The following ZBP1 variants were observed in gnomAD, a reference collection of about 807,000 sequenced individuals.
ZBP1 encodes Z-DNA binding protein 1.
Under a neutral mutation model 41.1 loss-of-function variants are expected in ZBP1, and 42 were observed. The observed-to-expected ratio is 1.02, with a 90% CI of 0.80 to 1.32. The LOEUF (loss-of-function observed/expected upper bound fraction) is 1.32, where lower values mean the gene tolerates loss of function less well. Ranked by LOEUF, ZBP1 falls within the 40% of genes most tolerant of loss-of-function variation. The pLI, the probability that ZBP1 is intolerant of heterozygous loss-of-function variation, is 0.00. For synonymous variants in ZBP1, 214 were observed against 205.2 expected (o/e 1.04, Z -0.37); for missense variants, 562 against 549.7 (o/e 1.02, Z -0.22).
At chr20:57,615,371 T>C in intron 3 of ZBP1, 141 bp downstream of exon 3, 1 of 914,988 alleles carries the variant, frequency 1.1e-6, no homozygotes, top group Non-Finnish European at 1.7e-6. Context: ...GTCTTGGCTC[T>C]GAACACTGTA....
At position 57,615,079 on chromosome 20, in the gene ZBP1, A is replaced by G. The variant is rs1240076826; in HGVS notation, c.329-19T>C. ...TCTTCCTCTGGGAGGCAGGATGGCC[A>G]GGTGGTTAGGGAGTAGTCCTAGGGT... On this transcript the variant is annotated intron_variant, in intron 3 of 7. Transcript: ENST00000371173. 6.2e-7 allele frequency: 1 copy of G among 1,613,744 alleles called. No homozygotes were observed. Among genetic ancestry groups the G allele is most frequent in the Non-Finnish European group, 8.5e-7 (1 of 1,179,820 alleles).
chr20:57,608,753 G>C (rs2070562795), intron 7 of ZBP1, among the ~76,000 whole-genome samples: 1 of 149,500 alleles, frequency 6.7e-6, no homozygotes, highest in African/African-American at 2.4e-5. Flanking sequence ...GTGGGGCCAG[G>C]GTCTCCTCAG....
At chr20:57,605,845 A>C (rs1419597740) in intron 7 of ZBP1, among the ~76,000 whole-genome samples, 1 of 152,168 alleles carries the variant, frequency 6.6e-6, no homozygotes, top group Admixed American at 6.5e-5. Context: ...GAAGCAAAAG[A>C]ATCCCTTGAA....
chr20:57,609,443 C>T (rs903191558), intron 7 of ZBP1, among the ~76,000 whole-genome samples: 5 of 152,228 alleles, frequency 3.3e-5, no homozygotes, highest in Non-Finnish European at 4.4e-5. Flanking sequence ...ACTTCCCAGA[C>T]CCCCCGTGGC....
intron 7 of ZBP1, among the ~76,000 whole-genome samples, chr20:57,609,348 G>A (rs1271587641): frequency 6.6e-6 from 1 of 152,154 alleles, no homozygotes; most frequent in Admixed American, 6.5e-5. Context: ...AACCGCACTG[G>A]TTTCCCCTCT....
At position 57,616,864 on chromosome 20, in the gene ZBP1, C is replaced by G. The variant is rs1041261458; in HGVS notation, c.35-396G>C. 2.4e-5 allele frequency: 6 copies of G among 246,724 alleles called. No homozygotes were observed. In the East Asian group the frequency reaches 6.2e-4, roughly 26 times the overall value. The allele number at this position is 246,724 out of a possible 1,614,324, so 15.3% of individuals were successfully genotyped here. ...CTGGGAGCGCAAAGGCAAGTCCTGCCTGGGACGCCTGCCTGGGTTTACCTG... is the reference window on the plus strand; with the variant it reads ...CTGGGAGCGCAAAGGCAAGTCCTGCGTGGGACGCCTGCCTGGGTTTACCTG... On this transcript the variant is annotated intron_variant, in intron 1 of 7. Transcript: ENST00000371173.
chr20:57,616,555 G>T, intron 1 of ZBP1, 87 bp from the exon 2 acceptor site: 2 of 1,430,484 alleles, frequency 1.4e-6, no homozygotes, highest in East Asian at 2.3e-5. Flanking sequence ...CAGGAGGCAC[G>T]TAGGCCCCTT....
intron 7 of ZBP1, among the ~76,000 whole-genome samples, chr20:57,605,067 A>G (rs551102956): frequency 6.6e-6 from 1 of 152,254 alleles, no homozygotes; most frequent in Admixed American, 6.5e-5. Flanking sequence ...ACGGCTCTAC[A>G]TGCTCTGGCA....
Position 57,610,580 on chromosome 20 carries a change from T to C in ZBP1, c.875-213A>G, listed in dbSNP as rs1397388566. On this transcript the variant is annotated intron_variant, in intron 6 of 7. Transcript: ENST00000371173. The surrounding 1 kb of genome is among the most constrained non-coding windows in gnomAD (Gnocchi z 5.5). Reference sequence around the variant, plus strand: ...TCTGGGAAGCGTCTTTCTGCTCCACTGATCCCGCAGTGGGTCTGCCCCACT... The same window carrying C: ...TCTGGGAAGCGTCTTTCTGCTCCACCGATCCCGCAGTGGGTCTGCCCCACT... 3.3e-6 allele frequency: 2 copies of C among 601,114 alleles called. No individual in the cohort carries two copies. The highest frequency in any genetic ancestry group is 5.6e-5 in the East Asian group (2 of 35,814). 37.2% of individuals were successfully genotyped at this position (601,114 alleles called of 1,614,324 possible).
intron 7 of ZBP1, among the ~76,000 whole-genome samples, chr20:57,606,595 AG>A (rs1292703577): frequency 6.6e-6 from 1 of 152,268 alleles, no homozygotes. Flanking sequence ...CTGGCTTCAA[AG>A]CTTCAAAGGG....
chr20:57,604,866 C>T (rs370676541), intron 7 of ZBP1, 97 bp from the exon 8 acceptor site: 1 of 1,210,734 alleles, frequency 8.3e-7, no homozygotes, highest in Non-Finnish European at 1.2e-6. Flanking sequence ...TCAGCTTGAG[C>T]CTTTGTTGTT....
At chr20:57,604,900 T>C (rs897279074) in intron 7 of ZBP1, 131 bp from the exon 8 acceptor site, 38 of 896,606 alleles carry the variant, frequency 4.2e-5, no homozygotes, top group Non-Finnish European at 6.0e-5. Context: ...TTGTACAAAG[T>C]CTTGAACAGG....
In ZBP1 at chr20:57,604,670, G is replaced by A. The variant is rs1389440419; in HGVS notation, c.1193C>T (p.Thr398Ile). Reference sequence around the variant, plus strand: ...GTGACTCCTGTTTCCAAGAGTCATAGTTTCCAGCTTGGGGGTGAGCTTCGA... The same window carrying A: ...GTGACTCCTGTTTCCAAGAGTCATAATTTCCAGCTTGGGGGTGAGCTTCGA... ...SHSKLTPKLE[T>I]MTLGNRSHKA... The change falls in exon 8 of 8, where the codon ACT becomes ATT. Residue 398 changes from threonine (T) to isoleucine (I), a missense_variant. Transcript: ENST00000371173. The A allele has an allele frequency of 6.2e-7, 1 of 1,614,190 alleles. No individual in the cohort carries two copies. Among genetic ancestry groups the A allele is most frequent in the East Asian group, 2.2e-5 (1 of 44,884 alleles).
chr20:57,615,007 T>A lies in ZBP1; in HGVS notation c.382A>T (p.Ile128Phe), dbSNP rs2070779678. 6.2e-7 allele frequency: 1 copy of A among 1,614,232 alleles called. No individual in the cohort carries two copies. The highest frequency in any genetic ancestry group is 1.3e-5 in the African/African-American group (1 of 75,050). ...KDNGPQRALV[I>F]AQALGMRTAK... The stretch of plus-strand genomic sequence containing the variant: ...GTCCTCATTCCCAGTGCTTGGGCGA[T>A]GACCAGGGCCCTCTGGGGACCATTG... The change falls in exon 4 of 8, where the codon ATC becomes TTC. Residue 128 changes from isoleucine (I) to phenylalanine (F), a missense_variant. Ile to Phe is a conservative substitution (Grantham distance 21, BLOSUM62 0). Coordinates refer to ENST00000371173, the MANE Select transcript of ZBP1 (RefSeq NM_030776.3).
At chr20:57,606,386 C>T (rs987743800) in intron 7 of ZBP1, among the ~76,000 whole-genome samples, 8 of 152,350 alleles carry the variant, frequency 5.3e-5, no homozygotes, top group African/African-American at 1.2e-4. Context: ...GGAAAGAAAC[C>T]GTCCCCATAA....
At chr20:57,612,913 A>C (rs902693670) in intron 5 of ZBP1, 2 of 1,340,470 alleles carry the variant, frequency 1.5e-6, no homozygotes, top group Non-Finnish European at 1.9e-6. Context: ...TTTTATTAGA[A>C]AAATAAAAAT....
chr20:57,610,406 G>A lies in ZBP1; in HGVS notation c.875-39C>T. 1 of 1,608,116 alleles carries A rather than the reference G, an allele frequency of 6.2e-7. No homozygotes were observed. On this transcript the variant is annotated intron_variant, in intron 6 of 7. Coordinates refer to ENST00000371173, the MANE Select transcript of ZBP1 (RefSeq NM_030776.3). This position sits in a 1 kb window ranked among gnomAD's most constrained non-coding sequence, Gnocchi z 5.5. ...GGAGAGAGGCCTGGAGCCAGGAGCA[G>A]CTGGACAGTGGCCGGGAACCCTGAC...
At position 57,613,745 on chromosome 20, in the gene ZBP1, T is replaced by G. The variant is rs2070740827; in HGVS notation, c.503-415A>C. Among the ~76,000 whole-genome samples, 1 of 152,236 alleles carries G rather than the reference T, an allele frequency of 6.6e-6. No individual in the cohort carries two copies. Among genetic ancestry groups the G allele is most frequent in the South Asian group, 2.1e-4 (1 of 4,824 alleles). On this transcript the variant is annotated intron_variant, in intron 4 of 7. Coordinates refer to ENST00000371173, the MANE Select transcript of ZBP1 (RefSeq NM_030776.3). This position sits in a 1 kb window ranked among gnomAD's most constrained non-coding sequence, Gnocchi z 4.5. Reference sequence around the variant, plus strand: ...CCAGATCGGTCGTGTTTGGCTCCCATGACATTTTCAATATTTGAATTTGTC... The same window carrying G: ...CCAGATCGGTCGTGTTTGGCTCCCAGGACATTTTCAATATTTGAATTTGTC...
At position 57,616,406 on chromosome 20, in the gene ZBP1, G is replaced by A. The variant is rs766043753; in HGVS notation, c.97C>T (p.Gln33Ter). 1.9e-6 allele frequency: 3 copies of A among 1,614,004 alleles called. No homozygotes were observed. The highest frequency in any genetic ancestry group is 2.7e-5 in the African/African-American group (2 of 74,902). Residue 33 changes from glutamine to a stop codon, truncating the protein, a stop_gained, in exon 2 of 8, where the codon CAG becomes TAG. Transcript: ENST00000371173. LOFTEE classifies it high-confidence loss of function. ...TEAGSPVKLA[Q>*]LVKECQAPKR... is the part of the protein sequence containing the mutation. ...GGTGCTTGGCATTCCTTCACCAGCT[G>A]GGCAAGTTTCACCGGGGAGCCAGCC... is the stretch of plus-strand genomic sequence containing the variant.
Sources: gnomAD v4.1 joint callset for allele counts (sites outside exome capture counted in the v4.1 genomes callset) on GRCh38, gnomAD v4.1.1 for gene constraint, Gnocchi (gnomAD v3.1) non-coding constraint, MANE v1.5 for transcripts, NCBI Gene and HGNC (gene_info 2026-07-23, HGNC 2026-07-21) for gene names.